Variants in PDE4D observed in about 807,000 individuals in gnomAD.
PDE4D encodes 3',5'-cyclic-AMP phosphodiesterase 4D.
In PDE4D, 24 loss-of-function variants were observed where a neutral mutation model predicts 87.4. That is an observed-to-expected ratio of 0.27 (90% confidence interval 0.20 to 0.39). PDE4D has a LOEUF of 0.39. Among genes scored for constraint, PDE4D ranks in the 10% least tolerant of loss-of-function variants. PDE4D has a pLI of 1.00. For synonymous variants in PDE4D, 384 were observed against 383.2 expected, an observed-to-expected ratio of 1.00 and a Z score of -0.02; for missense variants, 714 against 1,041.0, an observed-to-expected ratio of 0.69 and a Z score of 4.32.
intron 1 of PDE4D, among the ~76,000 whole-genome samples, chr5:59,458,587 T>C (rs1800271935): frequency 6.6e-6 from 1 of 152,180 alleles, no homozygotes. Flanking sequence ...TGAACTGCTT[T>C]GCATGTTAAA....
At chr5:59,907,179 TA>T (rs1752926743) in intron 3 of PDE4D, among the ~76,000 whole-genome samples, 1 of 152,172 alleles carries the variant, frequency 6.6e-6, no homozygotes, top group African/African-American at 2.4e-5. Context: ...CAGCAGCTGT[TA>T]TTTTTTTGAC....
intron 1 of PDE4D, among the ~76,000 whole-genome samples, chr5:59,646,641 CA>C (rs1340343985): frequency 6.6e-6 from 1 of 152,110 alleles, no homozygotes; most frequent in African/African-American, 2.4e-5. Context: ...CGATTTGTGG[CA>C]AACGTTTTGA....
intron 1 of PDE4D, among the ~76,000 whole-genome samples, chr5:60,279,191 T>C (rs928380178): frequency 1.3e-5 from 2 of 152,118 alleles, no homozygotes; most frequent in African/African-American, 4.8e-5. Flanking sequence ...CAACTCCCAG[T>C]TGGAACACTG....
intron 1 of PDE4D, among the ~76,000 whole-genome samples, chr5:60,318,001 G>T (rs142793023): frequency 6.6e-6 from 1 of 152,148 alleles, no homozygotes; most frequent in East Asian, 1.9e-4. Context: ...TGTCTATTAG[G>T]TCTGCTTGGT....
chr5:60,076,168 T>TA (rs71606624), intron 2 of PDE4D, among the ~76,000 whole-genome samples: 43,749 of 151,752 alleles, frequency 0.29, 7,168 homozygotes, highest in East Asian at 0.75. Flanking sequence ...TTTCGAATTT[T>TA]TTTTTTTTGA....
intron 1 of PDE4D, among the ~76,000 whole-genome samples, chr5:59,248,875 A>C (rs1282875746): frequency 6.6e-6 from 1 of 152,170 alleles, no homozygotes; most frequent in Non-Finnish European, 1.5e-5. Flanking sequence ...TTCCAAACAG[A>C]TTAAGAGCTA....
chr5:60,084,350 A>G (rs1038922007), intron 2 of PDE4D, among the ~76,000 whole-genome samples: 3 of 152,184 alleles, frequency 2.0e-5, no homozygotes, highest in African/African-American at 7.2e-5. Context: ...CAGAAATTAG[A>G]AATATGACAT....
In PDE4D at chr5:59,779,163, GA is replaced by G. The variant is rs879308296; in HGVS notation, c.455+114004del. 7.1e-4 allele frequency among the ~76,000 whole-genome samples: 100 copies of G among 141,294 alleles called. 1 individual carries two copies. The highest frequency in any genetic ancestry group is 3.6e-3 in the Middle Eastern group (1 of 274). The allele number at this position is 141,294 out of a possible 152,430, so 92.7% of individuals were successfully genotyped here. On this transcript the variant is annotated intron_variant, in intron 1 of 14. Coordinates refer to ENST00000340635, the MANE Select transcript of PDE4D (RefSeq NM_001104631.2). ...GGCAACAGAGCAAGACTCTGTCTCG[GA>G]AAAAAAAAAAAGAAAGAAATCCTTT...
At chr5:60,108,835 C>T (rs1328784183) in intron 2 of PDE4D, among the ~76,000 whole-genome samples, 2 of 152,034 alleles carry the variant, frequency 1.3e-5, no homozygotes, top group Admixed American at 1.3e-4. Flanking sequence ...GGATCCCTTC[C>T]TTACACCTTA....
chr5:59,561,930 CA>C (rs34711969), intron 1 of PDE4D, among the ~76,000 whole-genome samples: 101,084 of 138,946 alleles, frequency 0.73, 36,365 homozygotes, highest in South Asian at 0.78. Context: ...GAAACGCTGT[CA>C]AAAAAAAAAA....
At chr5:60,336,045 G>A (rs957846075) in intron 1 of PDE4D, among the ~76,000 whole-genome samples, 10 of 152,234 alleles carry the variant, frequency 6.6e-5, no homozygotes, top group Non-Finnish European at 1.0e-4. Context: ...ATTGGAGAGC[G>A]AGGAAAAGAA....
intron 5 of PDE4D, among the ~76,000 whole-genome samples, chr5:59,083,903 G>A (rs1767215031): frequency 6.6e-6 from 1 of 151,948 alleles, no homozygotes; most frequent in Non-Finnish European, 1.5e-5. Context: ...TAAGTAGTTG[G>A]CAGGGATATC....
chr5:60,000,442 A>G (rs564576837), intron 2 of PDE4D, among the ~76,000 whole-genome samples: 1 of 152,318 alleles, frequency 6.6e-6, no homozygotes, highest in South Asian at 2.1e-4. Flanking sequence ...CAAAGTGCTG[A>G]AAGAAAAAGT....
chr5:59,400,668 G>A (rs1403634352), intron 1 of PDE4D, among the ~76,000 whole-genome samples: 5 of 151,126 alleles, frequency 3.3e-5, no homozygotes, highest in African/African-American at 1.2e-4. Flanking sequence ...CACCAGCATG[G>A]CACATGTATA....
At position 59,180,627 on chromosome 5, in the gene PDE4D, T is replaced by C; in HGVS notation, c.776A>G (p.Asn259Ser). ...GGTGGCTTTGTTGATGGATGGTTGG[T>C]TGCACATGGGTGATCTTCTGACAAA... ...RAPSKRSPMC[N>S]QPSINKATIT... is the part of the protein sequence containing the mutation. Residue 259 changes from asparagine (N) to serine (S), a missense_variant, in exon 5 of 15, where the codon AAC becomes AGC. Physicochemically the swap from Asn to Ser is conservative, Grantham distance 46 (BLOSUM62 1). This residue lies in a region of PDE4D where 90 missense variants were observed against 177.6 expected (regional missense o/e 0.51). Coordinates refer to ENST00000340635, the MANE Select transcript of PDE4D (RefSeq NM_001104631.2). 1 of 1,613,362 alleles carries C rather than the reference T, an allele frequency of 6.2e-7. No homozygotes were observed.
intron 2 of PDE4D, among the ~76,000 whole-genome samples, chr5:60,050,086 G>A (rs1026085519): frequency 5.9e-5 from 9 of 152,174 alleles, no homozygotes; most frequent in Non-Finnish European, 8.8e-5. Flanking sequence ...TTTTAAGGCC[G>A]TCAGAAAAGC....
intron 2 of PDE4D, among the ~76,000 whole-genome samples, chr5:60,145,682 T>C (rs1780929430): frequency 6.6e-6 from 1 of 152,202 alleles, no homozygotes; most frequent in African/African-American, 2.4e-5. Context: ...GTACTCAGGA[T>C]ACTTGGAGAA....
At chr5:60,301,021 G>A (rs1434078691) in intron 1 of PDE4D, among the ~76,000 whole-genome samples, 1 of 152,120 alleles carries the variant, frequency 6.6e-6, no homozygotes, top group Non-Finnish European at 1.5e-5. Context: ...TGCCTGCCTA[G>A]GCCTCCCAAA....
intron 5 of PDE4D, among the ~76,000 whole-genome samples, chr5:59,108,914 A>T (rs1561497763): frequency 6.6e-6 from 1 of 151,346 alleles, no homozygotes; most frequent in African/African-American, 2.4e-5. Flanking sequence ...CTCAAAAAAA[A>T]AAAAGAAAGA....
Sources: gnomAD v4.1 joint callset for allele counts (sites outside exome capture counted in the v4.1 genomes callset) on GRCh38, gnomAD v4.1.1 for gene constraint, gnomAD v4.1.1 regional missense constraint, MANE v1.5 for transcripts, NCBI Gene and HGNC (gene_info 2026-07-23, HGNC 2026-07-21) for gene names.